The following FGFR2 variants were observed in gnomAD, a reference collection of about 807,000 sequenced individuals.
The protein encoded by FGFR2 is BEK fibroblast growth factor receptor.
Under a neutral mutation model 95.9 loss-of-function variants are expected in FGFR2, and 19 were observed. The observed-to-expected ratio is 0.20, with a 90% CI of 0.14 to 0.29. The LOEUF (loss-of-function observed/expected upper bound fraction) is 0.29, where lower values mean the gene tolerates loss of function less well. FGFR2 is among the 10% of genes least tolerant of loss of function. The pLI is 1.00. For missense variants in FGFR2, 707 were observed against 1,056.9 expected (o/e 0.67, Z 4.59); for synonymous variants, 392 against 393.3 (o/e 1.00, Z 0.04).
rs1466101220 is a variant in FGFR2, at chr10:121,488,104, G to A, written c.1873C>T (p.Arg625Ter). 1 of 1,613,976 alleles carries A rather than the reference G, an allele frequency of 6.2e-7. No individual in the cohort carries two copies. The highest frequency in any genetic ancestry group is 1.1e-5 in the South Asian group (1 of 91,064). ...AAAACATTTCTGGCTGCTAAATCTC[G>A]ATGAATACACTGAAATCAAGAAAGA... ...EYLASQKCIH[R>*]DLAARNVLVT... The change falls in exon 14 of 18, where the codon CGA becomes TGA. Residue 625 changes from arginine (R) to a stop codon, truncating the protein, a stop_gained. Transcript: ENST00000358487. LOFTEE classifies it high-confidence loss of function.
At chr10:121,538,285 T>C in intron 6 of FGFR2, 4 of 760,874 alleles carry the variant, frequency 5.3e-6, no homozygotes, top group South Asian at 1.4e-5. Context: ...CCTTTTCACC[T>C]GCCCAATTAA....
chr10:121,512,670 C>A (rs1415493841), intron 9 of FGFR2, among the ~76,000 whole-genome samples: 1 of 152,094 alleles, frequency 6.6e-6, no homozygotes, highest in Non-Finnish European at 1.5e-5. Flanking sequence ...GCTAGGATTA[C>A]AGGCATTTAC....
chr10:121,593,007 A>G (rs2135474700), intron 2 of FGFR2, among the ~76,000 whole-genome samples: 1 of 152,316 alleles, frequency 6.6e-6, no homozygotes, highest in South Asian at 2.1e-4. Flanking sequence ...AGCCTCATGT[A>G]GTCCTCGTAA....
At chr10:121,571,804 A>C (rs1858796499) in intron 2 of FGFR2, among the ~76,000 whole-genome samples, 1 of 151,776 alleles carries the variant, frequency 6.6e-6, no homozygotes, top group Admixed American at 6.6e-5. Context: ...TTAGCTGGGC[A>C]TGGTGGCGCA....
Position 121,517,082 on chromosome 10 carries a change from T to C in FGFR2, c.1084+237A>G. ...TTGGCTCAATGACTCACTAAAAATA[T>C]GAGATCCCTTCAGGTTTTAAGGGTG... is the stretch of plus-strand genomic sequence containing the variant. On this transcript the variant is annotated intron_variant, in intron 8 of 17. Transcript: ENST00000358487. This position sits in a 1 kb window ranked among gnomAD's most constrained non-coding sequence, Gnocchi z 4.7. 1.8e-6 allele frequency: 1 copy of C among 568,466 alleles called. No individual in the cohort carries two copies. The highest frequency in any genetic ancestry group is 3.1e-6 in the Non-Finnish European group (1 of 320,194). 35.2% of individuals were successfully genotyped at this position (568,466 alleles called of 1,614,324 possible). A position where few individuals can be genotyped will look rare whatever the true frequency, so the allele number is the denominator to read the frequency against.
At chr10:121,491,390 C>CT (rs1203236777) in intron 13 of FGFR2, among the ~76,000 whole-genome samples, 1 of 152,214 alleles carries the variant, frequency 6.6e-6, no homozygotes, top group East Asian at 1.9e-4. Context: ...AATTAGGGCC[C>CT]TGGGACAGTT....
chr10:121,565,391 T>C (rs374755028), intron 3 of FGFR2, 47 bp downstream of exon 3: 57 of 1,611,292 alleles, frequency 3.5e-5, no homozygotes, highest in Non-Finnish European at 4.5e-5. Flanking sequence ...CAAAAAAATG[T>C]AATGGCTACA....
At chr10:121,552,013 A>T (rs1855484654) in intron 4 of FGFR2, among the ~76,000 whole-genome samples, 1 of 8,164 alleles carries the variant, frequency 1.2e-4, no homozygotes, top group South Asian at 9.3e-3. Context: ...CTTATATACA[A>T]ACAAACAAAC....
intron 6 of FGFR2, chr10:121,538,160 C>A (rs1853133537): frequency 6.8e-6 from 4 of 591,630 alleles, no homozygotes; most frequent in Non-Finnish European, 1.2e-5. Context: ...CAGCCAGCCA[C>A]AGGCTCAGTC....
chr10:121,566,053 G>C (rs1476283991), intron 2 of FGFR2: 2 of 398,694 alleles, frequency 5.0e-6, no homozygotes, highest in Non-Finnish European at 9.4e-6. Context: ...TGTTATTGTG[G>C]TATGTTTTAT....
rs3135733 is a variant in FGFR2 at position 121,565,730 on chromosome 10, C to T, written c.110-26G>A. ...CTGCAGAAAGGTGGGAGAGAGAAGA[C>T]GGAGACAGATGGGAAGGAGGGAGAG... is the stretch of plus-strand genomic sequence containing the variant. On this transcript the variant is annotated intron_variant, in intron 2 of 17. Coordinates refer to ENST00000358487, the MANE Select transcript of FGFR2 (RefSeq NM_000141.5). 3.8e-3 allele frequency: 6,197 copies of T among 1,613,962 alleles called. 194 individuals are homozygous for T. The African/African-American group carries it at 0.071, about 18-fold the overall frequency.
chr10:121,556,396 ACTCTCTCTCTCTCT>A (rs35668561), intron 4 of FGFR2, among the ~76,000 whole-genome samples: 20 of 128,198 alleles, frequency 1.6e-4, no homozygotes, highest in African/African-American at 4.6e-4. Flanking sequence ...TTTATAATCT[ACTCTCTCTCTCTCT>A]CTCTCTCTCT....
At chr10:121,542,027 A>G (rs905989611) in intron 5 of FGFR2, among the ~76,000 whole-genome samples, 2 of 152,242 alleles carry the variant, frequency 1.3e-5, no homozygotes, top group African/African-American at 4.8e-5. Context: ...AAGAATGCAT[A>G]GTTCATCCTG....
At chr10:121,548,245 CTTTTTTTTTTTTTTTTTTTTTTT>C (rs57061338) in intron 5 of FGFR2, among the ~76,000 whole-genome samples, 1 of 46,668 alleles carries the variant, frequency 2.1e-5, no homozygotes, top group South Asian at 1.6e-3. Flanking sequence ...CGCTTTTGGC[CTTTTTTTTTTTTTTTTTTTTTTT>C]TTTTTTTTTT....
chr10:121,572,469 A>G (rs571680266), intron 2 of FGFR2, among the ~76,000 whole-genome samples: 1 of 152,294 alleles, frequency 6.6e-6, no homozygotes, highest in African/African-American at 2.4e-5. Context: ...AATATAAAAA[A>G]TTAGCTGGGC....
intron 2 of FGFR2, among the ~76,000 whole-genome samples, chr10:121,566,977 G>A (rs554271119): frequency 3.3e-5 from 5 of 152,234 alleles, no homozygotes; most frequent in East Asian, 3.9e-4. Context: ...GGATGGCCAC[G>A]AGGGCCCAAG....
At chr10:121,590,258 T>C (rs538132292) in intron 2 of FGFR2, among the ~76,000 whole-genome samples, 4 of 152,248 alleles carry the variant, frequency 2.6e-5, no homozygotes, top group South Asian at 2.1e-4. Flanking sequence ...TCCTACTGGG[T>C]TGGTGTAAAC....
intron 2 of FGFR2, among the ~76,000 whole-genome samples, chr10:121,570,579 T>C (rs1249171771): frequency 6.6e-6 from 1 of 152,236 alleles, no homozygotes; most frequent in Non-Finnish European, 1.5e-5. Flanking sequence ...TTTTCACCTT[T>C]CCTGTGCGAA....
At chr10:121,588,183 TA>T (rs1302534164) in intron 2 of FGFR2, among the ~76,000 whole-genome samples, 7 of 150,620 alleles carry the variant, frequency 4.6e-5, no homozygotes, top group African/African-American at 1.2e-4. Context: ...AAGTGGGAGC[TA>T]AATGATGAAA....
Sources: gnomAD v4.1 joint callset for allele counts (sites outside exome capture counted in the v4.1 genomes callset) on GRCh38, gnomAD v4.1.1 for gene constraint, Gnocchi (gnomAD v3.1) non-coding constraint, MANE v1.5 for transcripts, NCBI Gene and HGNC (gene_info 2026-07-23, HGNC 2026-07-21) for gene names.